The following FSTL1 variants were observed in gnomAD, a reference collection of about 807,000 sequenced individuals.
The protein encoded by FSTL1 is follistatin-related protein 1.
A neutral mutation model predicts 45.9 loss-of-function variants in FSTL1; 24 were observed. The ratio of observed to expected loss-of-function variants is 0.52; its 90% CI spans 0.38 to 0.74. The LOEUF (loss-of-function observed/expected upper bound fraction) is 0.74. FSTL1 is among the 30% of genes least tolerant of loss of function. FSTL1 has a pLI of 0.00. For missense variants in FSTL1, 340 were observed against 381.8 expected, an observed-to-expected ratio of 0.89 and a Z score of 0.91; for synonymous variants, 120 against 137.6, an observed-to-expected ratio of 0.87 and a Z score of 0.89.
chr3:120,433,056 T>C (rs1937506566), intron 2 of FSTL1, among the ~76,000 whole-genome samples: 2 of 152,132 alleles, frequency 1.3e-5, no homozygotes, highest in Non-Finnish European at 1.5e-5. Flanking sequence ...CAGCAAAAGG[T>C]GAGGTCCAAA....
At chr3:120,444,731 G>A (rs1220849540) in intron 2 of FSTL1, among the ~76,000 whole-genome samples, 1 of 149,872 alleles carries the variant, frequency 6.7e-6, no homozygotes, top group Non-Finnish European at 1.5e-5. Context: ...GAAAAGACTA[G>A]AGCAAAGAAT....
chr3:120,401,870 C>T, intron 9 of FSTL1, among the ~76,000 whole-genome samples: 1 of 152,248 alleles, frequency 6.6e-6, no homozygotes, highest in East Asian at 1.9e-4. Flanking sequence ...CTGCGCCTGG[C>T]TGATATAACT....
In FSTL1 at chr3:120,396,969, T is replaced by A; in HGVS notation, c.910A>T (p.Ser304Cys). 1 of 1,612,122 alleles carries A rather than the reference T, an allele frequency of 6.2e-7. No homozygotes were observed. The highest frequency in any genetic ancestry group is 1.1e-5 in the South Asian group (1 of 91,040). ...CCTCCTCATTAGATCTCTTTGGTGCTCACTCTCTTGGTCTTTTCAGCTGTT... is the reference window on the plus strand; with the variant it reads ...CCTCCTCATTAGATCTCTTTGGTGCACACTCTCTTGGTCTTTTCAGCTGTT... Reference protein sequence around the residue: ...QETAEKTKRVSTKEI With the variant: ...QETAEKTKRVCTKEI The change falls in exon 11 of 11, where the codon AGC becomes TGC. Residue 304 changes from serine to cysteine, a missense_variant. By Grantham distance (112) the Ser-to-Cys change is moderately radical. Transcript: ENST00000295633.
chr3:120,414,855 G>C (rs1260612707), intron 3 of FSTL1, among the ~76,000 whole-genome samples: 2 of 151,224 alleles, frequency 1.3e-5, no homozygotes, highest in Non-Finnish European at 3.0e-5. Context: ...AAACACTGCG[G>C]AAGGCCGCAG....
intron 6 of FSTL1, among the ~76,000 whole-genome samples, chr3:120,407,352 C>T (rs1936966516): frequency 6.6e-6 from 1 of 152,154 alleles, no homozygotes. Context: ...CCCTGGCCAT[C>T]AGGAGCCACA....
In FSTL1 at chr3:120,450,828, G is replaced by GCTCCGGCCGCCCAAGCAC. The variant is rs1244181540; in HGVS notation, c.-1+51_-1+68dup. 8 of 1,022,658 alleles carry GCTCCGGCCGCCCAAGCAC rather than the reference G, an allele frequency of 7.8e-6. No homozygotes were observed. The East Asian group carries it at 2.5e-4, about 33-fold the overall frequency. The allele number at this position is 1,022,658 out of a possible 1,614,324, so 63.3% of individuals were successfully genotyped here. Reference sequence around the variant, plus strand: ...AAACTTGCTCGGGTCCCGCAGGCTCGCTCCGGCCGCCCAAGCACCCCCGGC... The same window carrying GCTCCGGCCGCCCAAGCAC: ...AAACTTGCTCGGGTCCCGCAGGCTCGCTCCGGCCGCCCAAGCACCTCCGGCCGCCCAAGCACCCCCGGC... On this transcript the variant is annotated intron_variant, in intron 1 of 10. Coordinates refer to ENST00000295633, the MANE Select transcript of FSTL1 (RefSeq NM_007085.5).
In FSTL1 at chr3:120,392,559, T is replaced by C. The variant is rs1236788885; in HGVS notation, c.*4393A>G. ...ATGGTTTTATTCACTGTATTTTCTG[T>C]GATACAATTTGGATTTTTACCATGT... On this transcript the variant is annotated 3_prime_UTR_variant, in exon 11 of 11. Transcript: ENST00000295633. 1.3e-5 allele frequency: 2 copies of C among 152,232 alleles called. No homozygotes were observed. The highest frequency in any genetic ancestry group is 4.8e-5 in the African/African-American group (2 of 41,466). The allele number at this position is 152,232 out of a possible 1,614,324, so 9.4% of individuals were successfully genotyped here.
At chr3:120,412,528 G>T (rs1325436589) in intron 3 of FSTL1, among the ~76,000 whole-genome samples, 1 of 152,074 alleles carries the variant, frequency 6.6e-6, no homozygotes, top group Non-Finnish European at 1.5e-5. Context: ...GTACTTCCCA[G>T]CCTCCAGAAC....
intron 2 of FSTL1, among the ~76,000 whole-genome samples, chr3:120,431,175 T>A (rs1937471759): frequency 6.6e-6 from 1 of 152,142 alleles, no homozygotes; most frequent in Non-Finnish European, 1.5e-5. Context: ...TTTCACCATG[T>A]TGGCCAGGCT....
Position 120,450,697 on chromosome 3 carries a change from C to A in FSTL1, c.50G>T (p.Trp17Leu). 1 of 1,570,724 alleles carries A rather than the reference C, an allele frequency of 6.4e-7. No individual in the cohort carries two copies. Among genetic ancestry groups the A allele is most frequent in the Non-Finnish European group, 8.6e-7 (1 of 1,165,982 alleles). ...CCCCTCGCCTACCTCGGCGCGGACCCAGGCGACCGCCACCAGCGCGAGCGC... is the reference window on the plus strand; with the variant it reads ...CCCCTCGCCTACCTCGGCGCGGACCAAGGCGACCGCCACCAGCGCGAGCGC... ...ALALALVAVAWVRAEEELRSK... is the reference protein window; with the variant it reads ...ALALALVAVALVRAEEELRSK... Residue 17 changes from tryptophan to leucine, a missense_variant, in exon 2 of 11, where the codon TGG becomes TTG. Transcript: ENST00000295633.
At chr3:120,414,624 CTT>C (rs1370458482) in intron 3 of FSTL1, among the ~76,000 whole-genome samples, 1 of 152,010 alleles carries the variant, frequency 6.6e-6, no homozygotes, top group South Asian at 2.1e-4. Context: ...ACATGGGAGA[CTT>C]TTCATTTTGT....
intron 2 of FSTL1, among the ~76,000 whole-genome samples, chr3:120,430,844 CAG>C (rs1430879869): frequency 1.3e-5 from 2 of 152,176 alleles, no homozygotes; most frequent in East Asian, 3.8e-4. Context: ...TTTTAAATAA[CAG>C]AACAACACAA....
intron 9 of FSTL1, 58 bp downstream of exon 9, chr3:120,402,750 C>A (rs113558158): frequency 9.3e-7 from 1 of 1,078,678 alleles, no homozygotes; most frequent in African/African-American, 1.5e-5. Context: ...TTCTCTCATG[C>A]TGATTTCATG....
At chr3:120,437,297 T>C (rs947977544) in intron 2 of FSTL1, among the ~76,000 whole-genome samples, 3 of 152,230 alleles carry the variant, frequency 2.0e-5, no homozygotes, top group Non-Finnish European at 4.4e-5. Context: ...GGAAAACCTA[T>C]GTCTTATTTT....
rs1936659435 is a variant in FSTL1, at chr3:120,394,597, T to G, written c.*2355A>C. The stretch of plus-strand genomic sequence containing the variant: ...GGATCTTAACAGATGCTATAGTGTT[T>G]ACAAAACTACACACACAGAGAAAGC... On this transcript the variant is annotated 3_prime_UTR_variant, in exon 11 of 11. Transcript: ENST00000295633. 1 of 152,206 alleles carries G rather than the reference T, an allele frequency of 6.6e-6. No individual in the cohort carries two copies. The highest frequency in any genetic ancestry group is 2.1e-4 in the South Asian group (1 of 4,824). The allele number at this position is 152,206 out of a possible 1,614,324, so 9.4% of individuals were successfully genotyped here.
chr3:120,410,849 T>C (rs750178916), intron 5 of FSTL1, 103 bp downstream of exon 5: 14 of 917,746 alleles, frequency 1.5e-5, no homozygotes, highest in African/African-American at 8.1e-5. Context: ...TTCTGATGCA[T>C]AGAAGATCTT....
chr3:120,411,758 G>C lies in FSTL1; in HGVS notation c.298+96C>G, dbSNP rs1047436169. 7 of 1,084,756 alleles carry C rather than the reference G, an allele frequency of 6.5e-6. No homozygotes were observed. In the African/African-American group the frequency reaches 7.8e-5, roughly 12 times the overall value. The allele number at this position is 1,084,756 out of a possible 1,614,324, so 67.2% of individuals were successfully genotyped here. A position where few individuals can be genotyped will look rare whatever the true frequency, so the allele number is the denominator to read the frequency against. On this transcript the variant is annotated intron_variant, in intron 4 of 10. Transcript: ENST00000295633. Reference sequence around the variant, plus strand: ...TCCACAGCTTTGAGAGGCTGTGGTCGTGGAGGAAAGACCATGTGGTCAGCC... The same window carrying C: ...TCCACAGCTTTGAGAGGCTGTGGTCCTGGAGGAAAGACCATGTGGTCAGCC...
Position 120,411,990 on chromosome 3 carries a change from C to T in FSTL1, c.169-7G>A. 1 of 1,609,402 alleles carries T rather than the reference C, an allele frequency of 6.2e-7. No homozygotes were observed. The highest frequency in any genetic ancestry group is 8.5e-7 in the Non-Finnish European group (1 of 1,176,444). ...TCTTGTGAGGTTTGCATTGCTGAAACAGACCCAAAAGAGAATGTTTGTGCA... is the reference window on the plus strand; with the variant it reads ...TCTTGTGAGGTTTGCATTGCTGAAATAGACCCAAAAGAGAATGTTTGTGCA... On this transcript the variant is annotated splice_region_variant and splice_polypyrimidine_tract_variant and intron_variant, in intron 3 of 10. Transcript: ENST00000295633.
chr3:120,445,376 C>T (rs1013671795), intron 2 of FSTL1, among the ~76,000 whole-genome samples: 1 of 149,468 alleles, frequency 6.7e-6, no homozygotes, highest in Non-Finnish European at 1.5e-5. Flanking sequence ...TAAAAACTTG[C>T]TAAATGTTAC....
Sources: gnomAD v4.1 joint callset for allele counts (sites outside exome capture counted in the v4.1 genomes callset) on GRCh38, gnomAD v4.1.1 for gene constraint, MANE v1.5 for transcripts, NCBI Gene and HGNC (gene_info 2026-07-23, HGNC 2026-07-21) for gene names.